REDIC1: variants seen among roughly 807,000 people sequenced by gnomAD.
REDIC1 encodes regulator of DNA class I crossover intermediates 1.
At chr12:39,713,707 T>C in the REDIC1 span, among the ~76,000 whole-genome samples, 9 of 144,738 alleles carry the variant, frequency 6.2e-5, no homozygotes, top group Non-Finnish European at 1.2e-4. Context: ...ATATACATAT[T>C]TATGTATGCC....
At chr12:39,665,864 G>C in the REDIC1 span, among the ~76,000 whole-genome samples, 1 of 151,516 alleles carries the variant, frequency 6.6e-6, no homozygotes, top group Non-Finnish European at 1.5e-5. Context: ...TCATGATTTG[G>C]CTCTGTTTGT....
At chr12:39,742,631 A>G in the REDIC1 span, among the ~76,000 whole-genome samples, 1 of 152,132 alleles carries the variant, frequency 6.6e-6, no homozygotes, top group Non-Finnish European at 1.5e-5. Context: ...CCTGGTAGAA[A>G]AGGGCTTCTT....
chr12:39,714,084 C>CATATACGTATGTATACGTGTATATGT, the REDIC1 span, among the ~76,000 whole-genome samples: 1 of 56,612 alleles, frequency 1.8e-5, no homozygotes, highest in Non-Finnish European at 3.9e-5. Context: ...TGTATATACA[C>CATATACGTATGTATACGTGTATATGT]ATATATGTAC....
chr12:39,748,092 G>T, the REDIC1 span, among the ~76,000 whole-genome samples: 1 of 151,324 alleles, frequency 6.6e-6, no homozygotes, highest in South Asian at 2.1e-4. Flanking sequence ...AACCTTAAAT[G>T]TAAATGGGCT....
the REDIC1 span, chr12:39,755,766 A>G: frequency 6.6e-6 from 1 of 152,232 alleles, no homozygotes; most frequent in South Asian, 2.1e-4. Context: ...TCCATAGACC[A>G]AATTACTCAA....
chr12:39,849,447 A>C, the REDIC1 span, among the ~76,000 whole-genome samples: 1 of 152,180 alleles, frequency 6.6e-6, no homozygotes, highest in Non-Finnish European at 1.5e-5. Flanking sequence ...ACAGAAGCTC[A>C]GTAATGTCAA....
At chr12:39,729,208 A>G in the REDIC1 span, among the ~76,000 whole-genome samples, 3 of 151,832 alleles carry the variant, frequency 2.0e-5, no homozygotes, top group African/African-American at 7.3e-5. Context: ...TAGCTTTTGA[A>G]TTTGTTAGCT....
the REDIC1 span, among the ~76,000 whole-genome samples, chr12:39,877,795 C>A: frequency 3.9e-5 from 6 of 152,112 alleles, no homozygotes; most frequent in East Asian, 7.7e-4. Flanking sequence ...AATTTCTTCT[C>A]AAAAAATACA....
chr12:39,811,539 T>C, the REDIC1 span, among the ~76,000 whole-genome samples: 2 of 152,180 alleles, frequency 1.3e-5, no homozygotes, highest in South Asian at 2.1e-4. Context: ...CATTTTCTAA[T>C]TACCTTGTGA....
chr12:39,766,600 A>G, the REDIC1 span, among the ~76,000 whole-genome samples: 2 of 151,932 alleles, frequency 1.3e-5, no homozygotes, highest in Admixed American at 1.3e-4. Context: ...TTCACTAAAT[A>G]TTTCTCTGTA....
the REDIC1 span, among the ~76,000 whole-genome samples, chr12:39,853,105 G>A: frequency 2.0e-5 from 3 of 152,092 alleles, no homozygotes; most frequent in African/African-American, 4.8e-5. Context: ...TGCTCAAAAC[G>A]CCAAGAACCT....
chr12:39,647,735 C>T, the REDIC1 span: 2 of 1,214,788 alleles, frequency 1.6e-6, no homozygotes, highest in South Asian at 2.1e-5. Flanking sequence ...TTTGACTTTC[C>T]TCTTCTCTAG....
At chr12:39,713,816 T>G in the REDIC1 span, among the ~76,000 whole-genome samples, 16 of 148,422 alleles carry the variant, frequency 1.1e-4, no homozygotes, top group Non-Finnish European at 2.3e-4. Flanking sequence ...TGTGTATATA[T>G]ACGTGTATAC....
chr12:39,840,319 G>C, the REDIC1 span, among the ~76,000 whole-genome samples: 2 of 151,970 alleles, frequency 1.3e-5, no homozygotes, highest in South Asian at 4.2e-4. Context: ...GTCTTCTAAA[G>C]GGGCCTGCTT....
At chr12:39,713,237 TATATGTGTACACACAC>T in the REDIC1 span, among the ~76,000 whole-genome samples, 1 of 113,566 alleles carries the variant, frequency 8.8e-6, no homozygotes, top group Non-Finnish European at 1.8e-5. Context: ...TATACGTGTA[TATATGTGTACACACAC>T]ATACGTGTAT....
chr12:39,684,609 T>G, the REDIC1 span, among the ~76,000 whole-genome samples: 1 of 152,228 alleles, frequency 6.6e-6, no homozygotes, highest in East Asian at 1.9e-4. Context: ...ATGTACCTTA[T>G]GAAAGCAATT....
the REDIC1 span, among the ~76,000 whole-genome samples, chr12:39,870,371 C>T: frequency 6.6e-6 from 1 of 152,152 alleles, no homozygotes; most frequent in Non-Finnish European, 1.5e-5. Flanking sequence ...TAACACATCA[C>T]TGCCTGATAG....
chr12:39,696,554 A>AT, the REDIC1 span, among the ~76,000 whole-genome samples: 1 of 125,306 alleles, frequency 8.0e-6, no homozygotes, highest in Non-Finnish European at 1.7e-5. Context: ...AAAAAAAAAA[A>AT]AAAAAAAAAA....
chr12:39,836,145 G>C, the REDIC1 span, among the ~76,000 whole-genome samples: 1 of 152,084 alleles, frequency 6.6e-6, no homozygotes, highest in African/African-American at 2.4e-5. Flanking sequence ...ACAATATTTA[G>C]AGAGTTTGTA....
Sources: allele counts gnomAD v4.1 joint callset (sites outside exome capture counted in the v4.1 genomes callset), GRCh38; gene constraint gnomAD v4.1.1; transcripts MANE v1.5; gene names NCBI Gene and HGNC (gene_info 2026-07-23, HGNC 2026-07-21).